The following RUFY2 variants were observed in gnomAD, a reference collection of about 807,000 sequenced individuals.
The protein encoded by RUFY2 is RUN and FYVE domain containing 2.
In RUFY2, 49 loss-of-function variants were observed where a neutral mutation model predicts 94.4. That is an observed-to-expected ratio of 0.52 (90% CI 0.41 to 0.66). The LOEUF (loss-of-function observed/expected upper bound fraction) is 0.66. Ranked by LOEUF, RUFY2 falls within the 30% of genes least tolerant of loss-of-function variation. The probability of loss-of-function intolerance (pLI) is 0.00; values close to 1 mark genes in which losing one functional copy is unlikely to be tolerated. For synonymous variants in RUFY2, 255 were observed against 235.7 expected, an observed-to-expected ratio of 1.08 and a Z score of -0.75; for missense variants, 541 against 692.8, an observed-to-expected ratio of 0.78 and a Z score of 2.46.
At chr10:68,366,758 ATAATATTAAAT>A in intron 13 of RUFY2, among the ~76,000 whole-genome samples, 1 of 139,064 alleles carries the variant, frequency 7.2e-6, no homozygotes, top group Non-Finnish European at 1.5e-5. Flanking sequence ...ATATATATAT[ATAATATTAAAT>A]ATATTAAATA....
chr10:68,383,842 T>C lies in RUFY2; in HGVS notation c.895A>G (p.Asn299Asp). The C allele has an allele frequency of 6.2e-7, 1 of 1,613,960 alleles. No homozygotes were observed. Among genetic ancestry groups the C allele is most frequent in the Non-Finnish European group, 8.5e-7 (1 of 1,179,934 alleles). The change falls in exon 10 of 18, where the codon AAT (asparagine) becomes GAT (aspartate). Residue 299 changes from asparagine to aspartate, a missense_variant. Asn to Asp is a conservative substitution (Grantham distance 23, BLOSUM62 1). Coordinates refer to ENST00000602465, the MANE Select transcript of RUFY2 (RefSeq NM_001330103.2). ...HSRQGLDEMYNEARRQLRDES... is the reference protein window; with the variant it reads ...HSRQGLDEMYDEARRQLRDES... The stretch of plus-strand genomic sequence containing the variant: ...TCTCGAAGCTGCCTTCTGGCTTCAT[T>C]GTACATTTCATCTAGCCCCTGACGA...
chr10:68,391,905 G>C (rs946011002), intron 7 of RUFY2, among the ~76,000 whole-genome samples: 28 of 147,354 alleles, frequency 1.9e-4, no homozygotes, highest in African/African-American at 5.2e-4. Context: ...GGCAGAGGTT[G>C]CAGTGAGCTG....
chr10:68,344,464 A>G lies in RUFY2; in HGVS notation c.*1304T>C, dbSNP rs972967442. The G allele has an allele frequency of 6.6e-6, 1 of 152,202 alleles. No homozygotes were observed. The highest frequency in any genetic ancestry group is 2.4e-5 in the African/African-American group (1 of 41,442). The allele number at this position is 152,202 out of a possible 1,614,324, so 9.4% of individuals were successfully genotyped here. A position where few individuals can be genotyped will look rare whatever the true frequency, so the allele number is the denominator to read the frequency against. ...GTGTTTATGTAACTATTCAGAGGTAATTTATACAAGTTAAATTCTTAGTAT... is the reference window on the plus strand; with the variant it reads ...GTGTTTATGTAACTATTCAGAGGTAGTTTATACAAGTTAAATTCTTAGTAT... On this transcript the variant is annotated 3_prime_UTR_variant, in exon 18 of 18. Transcript: ENST00000602465.
At chr10:68,350,095 C>T (rs749273060) in intron 16 of RUFY2, among the ~76,000 whole-genome samples, 1 of 152,000 alleles carries the variant, frequency 6.6e-6, no homozygotes, top group Non-Finnish European at 1.5e-5. Flanking sequence ...CTACAACCTC[C>T]GCCTCCCGGG....
chr10:68,394,712 C>A (rs1014187693), intron 4 of RUFY2, among the ~76,000 whole-genome samples: 1 of 151,732 alleles, frequency 6.6e-6, no homozygotes, highest in Non-Finnish European at 1.5e-5. Flanking sequence ...TCACTGCAAG[C>A]TCTGCCTCCC....
At chr10:68,349,017 A>C (rs914174761) in intron 16 of RUFY2, among the ~76,000 whole-genome samples, 1 of 152,190 alleles carries the variant, frequency 6.6e-6, no homozygotes, top group Non-Finnish European at 1.5e-5. Context: ...GAGAAATTCA[A>C]CTGCCACAGA....
chr10:68,396,726 G>C lies in RUFY2; in HGVS notation c.398+54C>G, dbSNP rs552499480. The stretch of plus-strand genomic sequence containing the variant: ...ATTACATCTTAAATCCTTTTTGGAA[G>C]ACAGCATATAAATAAAATAAAAAAT... On this transcript the variant is annotated intron_variant, in intron 4 of 17. Transcript: ENST00000602465. 137 of 1,129,716 alleles carry C rather than the reference G, an allele frequency of 1.2e-4. No homozygotes were observed. The South Asian group carries it at 1.7e-3, about 14-fold the overall frequency. The allele number at this position is 1,129,716 out of a possible 1,614,324, so 70.0% of individuals were successfully genotyped here.
chr10:68,371,697 C>A (rs1226502123), intron 13 of RUFY2, among the ~76,000 whole-genome samples: 1 of 151,968 alleles, frequency 6.6e-6, no homozygotes, highest in Admixed American at 6.6e-5. Flanking sequence ...GAGAATTTCC[C>A]AAATCTGACA....
chr10:68,388,393 G>A (rs946864093), intron 7 of RUFY2, among the ~76,000 whole-genome samples: 2 of 152,148 alleles, frequency 1.3e-5, no homozygotes, highest in Non-Finnish European at 2.9e-5. Context: ...AACCTGGGAG[G>A]TGGAGGTTGC....
At chr10:68,380,024 G>A (rs775173241) in intron 11 of RUFY2, among the ~76,000 whole-genome samples, 3 of 151,890 alleles carry the variant, frequency 2.0e-5, no homozygotes, top group Non-Finnish European at 4.4e-5. Context: ...TAGTCAGGAT[G>A]GTCTCGATCT....
chr10:68,382,092 A>G (rs997439431), intron 10 of RUFY2, among the ~76,000 whole-genome samples: 1 of 146,292 alleles, frequency 6.8e-6, no homozygotes, highest in Admixed American at 7.0e-5. Context: ...TCTGTTGCCC[A>G]GGCTGGAGTG....
chr10:68,377,526 G>C, intron 12 of RUFY2: 5 of 986,140 alleles, frequency 5.1e-6, no homozygotes, highest in Non-Finnish European at 6.0e-6. Flanking sequence ...GTGTGTGTGT[G>C]TGTGCACGTG....
At chr10:68,400,744 G>A (rs994356411) in intron 3 of RUFY2, among the ~76,000 whole-genome samples, 2 of 151,542 alleles carry the variant, frequency 1.3e-5, no homozygotes, top group African/African-American at 4.9e-5. Context: ...TTGGCGCGGT[G>A]GCTCACGCCT....
intron 13 of RUFY2, among the ~76,000 whole-genome samples, chr10:68,376,232 C>G (rs958069107): frequency 1.3e-5 from 2 of 150,594 alleles, no homozygotes; most frequent in Admixed American, 6.7e-5. Context: ...TCAAGACCAG[C>G]CTGGTCAACA....
chr10:68,358,265 T>C (rs145058020), intron 15 of RUFY2, among the ~76,000 whole-genome samples: 439 of 152,242 alleles, frequency 2.9e-3, no homozygotes, highest in Middle Eastern at 6.8e-3. Context: ...CTCTTACAAA[T>C]GAAATTCCTG....
intron 16 of RUFY2, among the ~76,000 whole-genome samples, chr10:68,353,263 G>A (rs532387253): frequency 1.4e-4 from 21 of 151,396 alleles, no homozygotes; most frequent in African/African-American, 2.7e-4. Flanking sequence ...GCCGGGAGGC[G>A]GAGGTTGCAA....
chr10:68,352,595 G>C (rs1003422462), intron 16 of RUFY2, among the ~76,000 whole-genome samples: 3 of 152,120 alleles, frequency 2.0e-5, no homozygotes, highest in Non-Finnish European at 4.4e-5. Context: ...GTGTTTCAAG[G>C]TATGAGAAAA....
chr10:68,342,237 A>G (rs1481984074), downstream of RUFY2: 2 of 510,126 alleles, frequency 3.9e-6, no homozygotes, highest in Non-Finnish European at 7.0e-6. Context: ...TATTTGTTGC[A>G]TACTTTGACT....
At chr10:68,342,415 A>G (rs2046021436), downstream of RUFY2, 1 of 174,232 alleles carries the variant, frequency 5.7e-6, no homozygotes, top group Non-Finnish European at 1.2e-5. Flanking sequence ...CTCTGCGTAA[A>G]CTGCAAGTCT....
Sources: allele counts gnomAD v4.1 joint callset (sites outside exome capture counted in the v4.1 genomes callset), GRCh38; gene constraint gnomAD v4.1.1; transcripts MANE v1.5; gene names NCBI Gene and HGNC (gene_info 2026-07-23, HGNC 2026-07-21).